EPHA5: variants seen among roughly 807,000 people sequenced by gnomAD.
The protein encoded by EPHA5 is ephrin type-A receptor 5.
Under a neutral mutation model 105.0 loss-of-function variants are expected in EPHA5, and 60 were observed. The ratio of observed to expected loss-of-function variants is 0.57; its 90% CI spans 0.46 to 0.71. The LOEUF (loss-of-function observed/expected upper bound fraction) is 0.71. EPHA5 is among the 30% of genes least tolerant of loss of function. The pLI is 0.00. For missense variants in EPHA5, 1,218 were observed against 1,274.7 expected, an observed-to-expected ratio of 0.96 and a Z score of 0.68; for synonymous variants, 513 against 449.1, an observed-to-expected ratio of 1.14 and a Z score of -1.80.
chr4:65,419,679 G>T (rs766962280), intron 6 of EPHA5, among the ~76,000 whole-genome samples: 4 of 152,046 alleles, frequency 2.6e-5, no homozygotes, highest in Admixed American at 2.6e-4. Flanking sequence ...AATGGGGCGG[G>T]AGTAGTAGGA....
intron 15 of EPHA5, among the ~76,000 whole-genome samples, chr4:65,333,455 C>T (rs189918864): frequency 7.9e-5 from 12 of 151,608 alleles, no homozygotes; most frequent in Admixed American, 4.6e-4. Flanking sequence ...ACCACTACCA[C>T]CTCCCACCTT....
rs1012388119 is a variant in EPHA5, at chr4:65,622,421, GA to G, written c.247-20118del. Among the ~76,000 whole-genome samples the G allele has an allele frequency of 5.5e-3, 831 of 150,412 alleles. 9 individuals are homozygous for G. The highest frequency in any genetic ancestry group is 0.02 in the African/African-American group (810 of 41,108). The stretch of plus-strand genomic sequence containing the variant: ...AAGGCATAGGCAACATGGCAGATTT[GA>G]AAAAAAAATTAGAAAACTATTCAAG... On this transcript the variant is annotated intron_variant, in intron 2 of 16. Coordinates refer to ENST00000613740, the MANE Select transcript of EPHA5 (RefSeq NM_001281766.3).
intron 5 of EPHA5, among the ~76,000 whole-genome samples, chr4:65,448,262 TAA>T (rs201102930): frequency 6.9e-6 from 1 of 144,332 alleles, no homozygotes; most frequent in Admixed American, 6.9e-5. Flanking sequence ...TCAAAACAAG[TAA>T]AAAAAAAAGG....
chr4:65,520,417 A>C (rs892668190), intron 3 of EPHA5, among the ~76,000 whole-genome samples: 1 of 152,212 alleles, frequency 6.6e-6, no homozygotes, highest in African/African-American at 2.4e-5. Context: ...CTAAAACCAT[A>C]AAAACCCTAG....
At chr4:65,528,533 G>A (rs989191090) in intron 3 of EPHA5, among the ~76,000 whole-genome samples, 2 of 152,028 alleles carry the variant, frequency 1.3e-5, no homozygotes, top group South Asian at 2.1e-4. Flanking sequence ...ACAGGCACTT[G>A]TTTATTAAAA....
intron 3 of EPHA5, among the ~76,000 whole-genome samples, chr4:65,581,145 T>A (rs2149397526): frequency 6.6e-6 from 1 of 151,886 alleles, no homozygotes; most frequent in South Asian, 2.1e-4. Flanking sequence ...AACAATTTGC[T>A]CCTTTGGTGA....
intron 14 of EPHA5, among the ~76,000 whole-genome samples, chr4:65,338,007 T>C (rs1462431723): frequency 6.6e-6 from 1 of 152,050 alleles, no homozygotes; most frequent in East Asian, 1.9e-4. Flanking sequence ...CAGGAGAAAA[T>C]GTTTTCAGTA....
chr4:65,563,236 T>C (rs1463060778), intron 3 of EPHA5, among the ~76,000 whole-genome samples: 2 of 152,074 alleles, frequency 1.3e-5, no homozygotes, highest in Non-Finnish European at 2.9e-5. Flanking sequence ...AGTTGCTGAA[T>C]TTTATTTCTC....
chr4:65,416,403 C>A (rs1723386308), intron 6 of EPHA5, among the ~76,000 whole-genome samples: 1 of 151,910 alleles, frequency 6.6e-6, no homozygotes, highest in South Asian at 2.1e-4. Context: ...ATGCATGTAC[C>A]ACCAAGCGTA....
chr4:65,383,296 G>A (rs1019159680), intron 8 of EPHA5, among the ~76,000 whole-genome samples: 1 of 150,526 alleles, frequency 6.6e-6, no homozygotes, highest in African/African-American at 2.4e-5. Flanking sequence ...AGTCAGATGT[G>A]GTTTCTCCTT....
At chr4:65,482,594 C>G (rs576564811) in intron 5 of EPHA5, among the ~76,000 whole-genome samples, 5 of 151,946 alleles carry the variant, frequency 3.3e-5, no homozygotes, top group South Asian at 2.1e-4. Flanking sequence ...ATGCAGAGAC[C>G]AAAATAATGA....
intron 5 of EPHA5, among the ~76,000 whole-genome samples, chr4:65,437,198 G>A (rs966732550): frequency 6.6e-6 from 1 of 151,834 alleles, no homozygotes; most frequent in African/African-American, 2.4e-5. Context: ...AGGCATTTTT[G>A]TGAAACTTAT....
intron 5 of EPHA5, among the ~76,000 whole-genome samples, chr4:65,463,159 C>T (rs1247011202): frequency 6.6e-6 from 1 of 152,034 alleles, no homozygotes; most frequent in Non-Finnish European, 1.5e-5. Flanking sequence ...ACTACTTTGC[C>T]ACTTACAATA....
At chr4:65,600,134 A>T (rs928952724) in intron 3 of EPHA5, among the ~76,000 whole-genome samples, 1 of 152,202 alleles carries the variant, frequency 6.6e-6, no homozygotes, top group Non-Finnish European at 1.5e-5. Context: ...AGACAGAAAT[A>T]TATTCAATGG....
intron 8 of EPHA5, among the ~76,000 whole-genome samples, chr4:65,390,886 A>T (rs1240969411): frequency 6.6e-6 from 1 of 152,076 alleles, no homozygotes; most frequent in African/African-American, 2.4e-5. Flanking sequence ...GAATTTTGGT[A>T]AGCAAAATAA....
At chr4:65,431,669 C>A (rs1455334638) in intron 5 of EPHA5, among the ~76,000 whole-genome samples, 1 of 152,162 alleles carries the variant, frequency 6.6e-6, no homozygotes, top group Middle Eastern at 3.4e-3. Flanking sequence ...TTATCGCAAT[C>A]AACAATTCCA....
In EPHA5 at chr4:65,332,046, T is replaced by A; in HGVS notation, c.2872A>T (p.Met958Leu). Residue 958 changes from methionine (M) to leucine (L), a missense_variant, in exon 16 of 17, where the codon ATG (methionine) becomes TTG (leucine). By Grantham distance (15) the Met-to-Leu change is conservative. This residue lies in a region of EPHA5 where 971 missense variants were observed against 1,013.5 expected (regional missense o/e 0.96). Coordinates refer to ENST00000613740, the MANE Select transcript of EPHA5 (RefSeq NM_001281766.3). ...ATGAAAATCTCTGTATACCGGCCCA[T>A]CTTGATTGCCTCTAGCCATTCACCT... Reference protein sequence around the residue: ...SVGEWLEAIKMGRYTEIFMEN... With the variant: ...SVGEWLEAIKLGRYTEIFMEN... The A allele has an allele frequency of 6.2e-7, 1 of 1,611,958 alleles. No individual in the cohort carries two copies. Among genetic ancestry groups the A allele is most frequent in the South Asian group, 1.1e-5 (1 of 90,998 alleles).
chr4:65,511,046 A>C (rs750214558), intron 3 of EPHA5, among the ~76,000 whole-genome samples: 9 of 152,180 alleles, frequency 5.9e-5, no homozygotes, highest in Non-Finnish European at 1.3e-4. Flanking sequence ...GGACACAGTG[A>C]GAAAGCAGCT....
chr4:65,618,880 C>A (rs1440618803), intron 2 of EPHA5, among the ~76,000 whole-genome samples: 2 of 152,116 alleles, frequency 1.3e-5, no homozygotes, highest in Non-Finnish European at 1.5e-5. Context: ...ATTGGTTGGG[C>A]GCGGTGGCTC....
Sources: allele counts gnomAD v4.1 joint callset (sites outside exome capture counted in the v4.1 genomes callset), GRCh38; gene constraint gnomAD v4.1.1; regional missense constraint gnomAD v4.1.1; transcripts MANE v1.5; gene names NCBI Gene and HGNC (gene_info 2026-07-23, HGNC 2026-07-21).